CDK13: variants seen among roughly 807,000 people sequenced by gnomAD.
CDK13 encodes cyclin-dependent kinase 13.
Under a neutral mutation model 137.6 loss-of-function variants are expected in CDK13, and 40 were observed. That is an observed-to-expected ratio of 0.29 (90% CI 0.23 to 0.38). The LOEUF (loss-of-function observed/expected upper bound fraction) is 0.38, where lower values mean the gene tolerates loss of function less well. CDK13 is among the 10% of genes least tolerant of loss of function. The pLI is 1.00. For missense variants in CDK13, 1,704 were observed against 1,951.8 expected (o/e 0.87, Z 2.39); for synonymous variants, 869 against 760.1 (o/e 1.14, Z -2.36).
intron 6 of CDK13, 52 bp downstream of exon 6, chr7:40,046,077 T>A: frequency 1.8e-6 from 2 of 1,126,482 alleles, no homozygotes; most frequent in Non-Finnish European, 1.3e-6. Flanking sequence ...CATGGACATG[T>A]ACATGGAGAG....
chr7:40,037,370 TC>T (rs1266101751), intron 5 of CDK13, among the ~76,000 whole-genome samples: 3 of 152,214 alleles, frequency 2.0e-5, no homozygotes, highest in African/African-American at 7.2e-5. Context: ...ATGGCTCCCC[TC>T]ACATGGCTAG....
chr7:40,008,893 A>G (rs773419), intron 5 of CDK13, among the ~76,000 whole-genome samples: 151,306 of 152,306 alleles, frequency 0.99, 75,165 homozygotes, highest in East Asian at 1. Flanking sequence ...GGAATTTTAT[A>G]TCAAATTTAC....
chr7:40,047,012 C>CAAAAAAAA (rs398040131), intron 6 of CDK13, among the ~76,000 whole-genome samples: 9 of 65,810 alleles, frequency 1.4e-4, no homozygotes, highest in Non-Finnish European at 2.0e-4. Flanking sequence ...GACTCGGTCT[C>CAAAAAAAA]AAAAAAAAAA....
At chr7:40,085,674 AT>A (rs1236456667) in intron 11 of CDK13, 4 of 152,550 alleles carry the variant, frequency 2.6e-5, no homozygotes, top group Admixed American at 1.3e-4. Context: ...GATATTTCAA[AT>A]TGTCCCTTTG....
At chr7:40,094,063 C>G in intron 13 of CDK13, 67 bp from the exon 14 acceptor site, 1 of 1,538,518 alleles carries the variant, frequency 6.5e-7, no homozygotes, top group Non-Finnish European at 8.8e-7. Context: ...ACAGGAAACA[C>G]TGAGTATTTT....
Position 40,097,314 on chromosome 7 carries a change from AAAATGTTGCC to A in CDK13, c.*2337_*2346del, listed in dbSNP as rs1401668141. ...GTCTTTTATATGTCACTTAGAAGAA[AAAATGTTGCC>A]AATTAAGCCACAATACAATGCTAAG... On this transcript the variant is annotated 3_prime_UTR_variant, in exon 14 of 14. Coordinates refer to ENST00000181839, the MANE Select transcript of CDK13 (RefSeq NM_003718.5). 6.6e-6 allele frequency: 1 copy of A among 152,078 alleles called. No individual in the cohort carries two copies. The highest frequency in any genetic ancestry group is 1.5e-5 in the Non-Finnish European group (1 of 67,970). The allele number at this position is 152,078 out of a possible 1,614,324, so 9.4% of individuals were successfully genotyped here.
chr7:40,032,233 G>A (rs1352308607), intron 5 of CDK13, among the ~76,000 whole-genome samples: 2 of 151,942 alleles, frequency 1.3e-5, no homozygotes, highest in African/African-American at 4.8e-5. Flanking sequence ...ATTTTTGTAT[G>A]GTTTTAAAAA....
At chr7:39,964,652 T>C (rs1039591662) in intron 1 of CDK13, among the ~76,000 whole-genome samples, 4 of 152,146 alleles carry the variant, frequency 2.6e-5, no homozygotes, top group Non-Finnish European at 5.9e-5. Flanking sequence ...ATCTTAGTTA[T>C]TTCTTGCCTT....
intron 5 of CDK13, among the ~76,000 whole-genome samples, chr7:40,040,051 A>G (rs889147309): frequency 6.9e-6 from 1 of 144,774 alleles, no homozygotes; most frequent in Non-Finnish European, 1.5e-5. Context: ...CATGTTGTTC[A>G]TCCAGGATGG....
chr7:40,099,075 A>AC lies in CDK13; in HGVS notation c.*4095_*4096insC, dbSNP rs1787096026. The AC allele has an allele frequency of 6.6e-6, 1 of 151,840 alleles. No individual in the cohort carries two copies. The highest frequency in any genetic ancestry group is 1.5e-5 in the Non-Finnish European group (1 of 67,936). 9.4% of individuals were successfully genotyped at this position (151,840 alleles called of 1,614,324 possible). ...TATTGATTTGGAACTTTAAAAAAAAAAACAACAAAAAAATACTTTCAGGGT... is the reference window on the plus strand; with the variant it reads ...TATTGATTTGGAACTTTAAAAAAAAACAACAACAAAAAAATACTTTCAGGGT... On this transcript the variant is annotated 3_prime_UTR_variant, in exon 14 of 14. Transcript: ENST00000181839.
chr7:40,047,094 T>C (rs187189751), intron 6 of CDK13, among the ~76,000 whole-genome samples: 1 of 152,166 alleles, frequency 6.6e-6, no homozygotes, highest in Admixed American at 6.5e-5. Context: ...CTGTTTGCTA[T>C]TATTCCAAGT....
intron 7 of CDK13, chr7:40,062,479 A>T: frequency 5.3e-6 from 1 of 187,480 alleles, no homozygotes; most frequent in South Asian, 1.0e-4. Context: ...ATGGGGTTTC[A>T]CCGTGTTAGC....
chr7:39,955,288 T>C (rs1787374240), intron 1 of CDK13, among the ~76,000 whole-genome samples: 1 of 152,110 alleles, frequency 6.6e-6, no homozygotes, highest in Non-Finnish European at 1.5e-5. Context: ...CATTGATGGA[T>C]TGGGAAACGG....
chr7:39,984,640 C>G (rs550622259), intron 1 of CDK13: 7 of 152,184 alleles, frequency 4.6e-5, no homozygotes, highest in Admixed American at 1.3e-4. Flanking sequence ...GACAATCCAA[C>G]TATCCTCTTA....
intron 5 of CDK13, among the ~76,000 whole-genome samples, chr7:40,021,149 A>ACC (rs1785115273): frequency 1.3e-5 from 2 of 151,328 alleles, no homozygotes; most frequent in Admixed American, 6.6e-5. Flanking sequence ...ACACACACAC[A>ACC]CATAAAGTTT....
At chr7:39,957,288 A>G (rs149680641) in intron 1 of CDK13, among the ~76,000 whole-genome samples, 29 of 93,244 alleles carry the variant, frequency 3.1e-4, no homozygotes, top group African/African-American at 7.9e-4. Flanking sequence ...CCATTCATCT[A>G]GATAAAAGTT....
chr7:40,049,821 GAA>G (rs1785840717), intron 7 of CDK13, among the ~76,000 whole-genome samples: 1 of 152,084 alleles, frequency 6.6e-6, no homozygotes, highest in Non-Finnish European at 1.5e-5. Flanking sequence ...ACGTATAAGT[GAA>G]ATGATGAGTT....
At chr7:40,039,666 A>C (rs534841928) in intron 5 of CDK13, among the ~76,000 whole-genome samples, 11 of 152,012 alleles carry the variant, frequency 7.2e-5, no homozygotes, top group Non-Finnish European at 1.3e-4. Flanking sequence ...TCCTGACCTC[A>C]AGTGATCCAC....
chr7:39,996,988 A>AAAAAAAAAAAAAT (rs1784577673), intron 2 of CDK13, among the ~76,000 whole-genome samples: 1 of 150,898 alleles, frequency 6.6e-6, no homozygotes, highest in Non-Finnish European at 1.5e-5. Flanking sequence ...AAAAAAAAAA[A>AAAAAAAAAAAAAT]GAAAAATGCT....
Sources: allele counts gnomAD v4.1 joint callset (sites outside exome capture counted in the v4.1 genomes callset), GRCh38; gene constraint gnomAD v4.1.1; transcripts MANE v1.5; gene names NCBI Gene and HGNC (gene_info 2026-07-23, HGNC 2026-07-21).